The following TMPRSS15 variants were observed in gnomAD, a reference collection of about 807,000 sequenced individuals.
TMPRSS15 encodes the protein enteropeptidase.
A neutral mutation model predicts 125.3 loss-of-function variants in TMPRSS15; 128 were observed. The observed-to-expected ratio is 1.02, with a 90% confidence interval of 0.89 to 1.18. The LOEUF (loss-of-function observed/expected upper bound fraction) is 1.18. Ranked by LOEUF, TMPRSS15 falls within the 50% of genes most tolerant of loss-of-function variation. The probability of loss-of-function intolerance (pLI) is 0.00; values close to 1 mark genes in which losing one functional copy is unlikely to be tolerated. For synonymous variants in TMPRSS15, 446 were observed against 423.2 expected (o/e 1.05, Z -0.66); for missense variants, 1,283 against 1,212.7 (o/e 1.06, Z -0.86).
At chr21:18,399,303 G>T (rs1341908781) in intron 1 of TMPRSS15, among the ~76,000 whole-genome samples, 1 of 151,988 alleles carries the variant, frequency 6.6e-6, no homozygotes, top group African/African-American at 2.4e-5. Context: ...TACAACCCAG[G>T]ATCTCTATAT....
chr21:18,297,962 T>A, intron 18 of TMPRSS15, 133 bp from the exon 19 acceptor site: 1 of 648,182 alleles, frequency 1.5e-6, no homozygotes, highest in Non-Finnish European at 2.7e-6. Flanking sequence ...ATGAACGTTT[T>A]AATATAAAAC....
At chr21:18,277,457 A>T (rs1324432178) in intron 23 of TMPRSS15, among the ~76,000 whole-genome samples, 1 of 152,210 alleles carries the variant, frequency 6.6e-6, no homozygotes, top group Non-Finnish European at 1.5e-5. Flanking sequence ...CTATCTAGGA[A>T]TCATTTTTAC....
At chr21:18,363,695 T>C (rs1420936896) in intron 7 of TMPRSS15, among the ~76,000 whole-genome samples, 2 of 152,082 alleles carry the variant, frequency 1.3e-5, no homozygotes, top group African/African-American at 2.4e-5. Flanking sequence ...TAAATGCTTC[T>C]TTTAAGTTTG....
At chr21:18,414,140 A>AT (rs1164075441) in intron 1 of TMPRSS15, among the ~76,000 whole-genome samples, 2 of 151,978 alleles carry the variant, frequency 1.3e-5, no homozygotes, top group African/African-American at 4.8e-5. Flanking sequence ...ATTTCCTTTA[A>AT]TTTTTTAAAA....
intron 6 of TMPRSS15, among the ~76,000 whole-genome samples, chr21:18,369,251 G>A (rs2075768589): frequency 6.6e-6 from 1 of 152,130 alleles, no homozygotes; most frequent in Admixed American, 6.6e-5. Context: ...CACTAATTGT[G>A]TCTTTGCTCA....
At chr21:18,413,310 CT>C (rs1235646777) in intron 1 of TMPRSS15, among the ~76,000 whole-genome samples, 131 of 35,074 alleles carry the variant, frequency 3.7e-3, no homozygotes, top group African/African-American at 0.015. Context: ...TCTTTTCTTT[CT>C]TTTCCTTCCT....
chr21:18,422,041 T>C (rs1337322735), intron 1 of TMPRSS15, among the ~76,000 whole-genome samples: 17 of 150,706 alleles, frequency 1.1e-4, no homozygotes, highest in Non-Finnish European at 4.4e-5. Context: ...TGGAGTGCAG[T>C]GGCATGACCT....
intron 21 of TMPRSS15, among the ~76,000 whole-genome samples, chr21:18,292,245 C>A (rs2074847072): frequency 2.6e-5 from 4 of 152,076 alleles, no homozygotes; most frequent in Admixed American, 2.6e-4. Context: ...TAGACAAGAC[C>A]CCCATAGAAG....
intron 1 of TMPRSS15, among the ~76,000 whole-genome samples, chr21:18,425,620 T>G (rs1409654991): frequency 2.6e-5 from 4 of 152,082 alleles, no homozygotes; most frequent in Non-Finnish European, 5.9e-5. Flanking sequence ...CTCAAACTCT[T>G]AACAAGTATT....
rs2075471162 is a variant in TMPRSS15 at position 18,343,497 on chromosome 21, T to A, written c.1428+9A>T. 13 of 1,596,360 alleles carry A rather than the reference T, an allele frequency of 8.1e-6. No individual in the cohort carries two copies. The East Asian group carries it at 2.7e-4, about 33-fold the overall frequency. On this transcript the variant is annotated intron_variant, in intron 12 of 24. Coordinates refer to ENST00000284885, the MANE Select transcript of TMPRSS15 (RefSeq NM_002772.3). ...GATACAAATATAAATAATAAAGTAT[T>A]TTGCAAACCTTAAATTTAACTGTTT... is the stretch of plus-strand genomic sequence containing the variant.
chr21:18,269,840 C>A lies in TMPRSS15; in HGVS notation c.*129G>T. The A allele has an allele frequency of 8.5e-7, 1 of 1,171,776 alleles. No individual in the cohort carries two copies. The highest frequency in any genetic ancestry group is 1.5e-5 in the South Asian group (1 of 68,378). 72.6% of individuals were successfully genotyped at this position (1,171,776 alleles called of 1,614,324 possible). On this transcript the variant is annotated 3_prime_UTR_variant, in exon 25 of 25. Transcript: ENST00000284885. ...TTGTTTCCCTGGCCCCCTAGCATTT[C>A]ATTGACATAGGTAAGAATAAAAACC...
At chr21:18,365,584 TTCC>T (rs779647167) in intron 6 of TMPRSS15, among the ~76,000 whole-genome samples, 15,728 of 112,542 alleles carry the variant, frequency 0.14, 1,700 homozygotes, top group Non-Finnish European at 0.2. Flanking sequence ...TTCTCTCTTT[TTCC>T]TTCCTTCCTT....
intron 1 of TMPRSS15, among the ~76,000 whole-genome samples, chr21:18,413,804 T>A (rs895731716): frequency 5.9e-5 from 9 of 152,012 alleles, no homozygotes; most frequent in South Asian, 4.2e-4. Flanking sequence ...CATAGCTCAC[T>A]GCAGCCTCAA....
chr21:18,464,001 T>C (rs1978604405), intron 1 of TMPRSS15, among the ~76,000 whole-genome samples: 1 of 151,622 alleles, frequency 6.6e-6, no homozygotes, highest in African/African-American at 2.4e-5. Flanking sequence ...AGTGAAACCC[T>C]GTCACTACTA....
chr21:18,345,403 T>C (rs2075494442), intron 10 of TMPRSS15, among the ~76,000 whole-genome samples: 1 of 152,048 alleles, frequency 6.6e-6, no homozygotes, highest in Admixed American at 6.6e-5. Context: ...TGAATTTACC[T>C]TACTTTTGAT....
intron 1 of TMPRSS15, among the ~76,000 whole-genome samples, chr21:18,454,160 A>G (rs1278550845): frequency 2.6e-5 from 4 of 152,186 alleles, no homozygotes; most frequent in African/African-American, 9.6e-5. Context: ...CACAGAGGAT[A>G]CTCATGCTTG....
chr21:18,270,268 T>TGTATATA, intron 24 of TMPRSS15, 144 bp from the exon 25 acceptor site: 2 of 655,978 alleles, frequency 3.0e-6, no homozygotes, highest in South Asian at 5.0e-5. Flanking sequence ...ATATTCTCAC[T>TGTATATA]TTCACTCTAA....
At chr21:18,471,849 A>AT (rs397725002) in intron 1 of TMPRSS15, among the ~76,000 whole-genome samples, 2 of 151,780 alleles carry the variant, frequency 1.3e-5, no homozygotes, top group Non-Finnish European at 2.9e-5. Context: ...GGCAAAAAAA[A>AT]GGCAGGAGAA....
intron 1 of TMPRSS15, among the ~76,000 whole-genome samples, chr21:18,449,458 T>A (rs1230488059): frequency 6.6e-6 from 1 of 152,128 alleles, no homozygotes; most frequent in African/African-American, 2.4e-5. Flanking sequence ...TTCTCTTTTT[T>A]AAATTGTGTA....
Sources: gnomAD v4.1 joint callset for allele counts (sites outside exome capture counted in the v4.1 genomes callset) on GRCh38, gnomAD v4.1.1 for gene constraint, MANE v1.5 for transcripts, NCBI Gene and HGNC (gene_info 2026-07-23, HGNC 2026-07-21) for gene names.